Variants in SORCS1 observed in about 807,000 individuals in gnomAD.
SORCS1 encodes the protein VPS10 domain-containing receptor SorCS1.
A neutral mutation model predicts 146.1 loss-of-function variants in SORCS1; 60 were observed. The ratio of observed to expected loss-of-function variants is 0.41; its 90% CI spans 0.33 to 0.51. The LOEUF (loss-of-function observed/expected upper bound fraction) is 0.51, where lower values mean the gene tolerates loss of function less well. Among genes scored for constraint, SORCS1 ranks in the 20% least tolerant of loss-of-function variants. SORCS1 has a pLI of 0.21. For synonymous variants in SORCS1, 637 were observed against 584.0 expected, an observed-to-expected ratio of 1.09 and a Z score of -1.31; for missense variants, 1,352 against 1,487.6, an observed-to-expected ratio of 0.91 and a Z score of 1.50.
intron 1 of SORCS1, among the ~76,000 whole-genome samples, chr10:107,067,149 A>T (rs964089936): frequency 3.3e-5 from 5 of 152,084 alleles, no homozygotes; most frequent in African/African-American, 1.2e-4. Flanking sequence ...TTTTGATGTC[A>T]TTTTTCCTGA....
At chr10:106,911,632 T>C (rs535382167) in intron 2 of SORCS1, among the ~76,000 whole-genome samples, 13 of 152,134 alleles carry the variant, frequency 8.5e-5, no homozygotes, top group Non-Finnish European at 1.3e-4. Flanking sequence ...GCACCTGGCA[T>C]TTCTCGGCTG....
chr10:106,861,096 C>T (rs1949995585), intron 2 of SORCS1, among the ~76,000 whole-genome samples: 1 of 152,126 alleles, frequency 6.6e-6, no homozygotes, highest in Non-Finnish European at 1.5e-5. Context: ...ATTGTCCCGA[C>T]TTAAGAATAT....
the SORCS1 span, among the ~76,000 whole-genome samples, chr10:107,171,355 T>C: frequency 0.23 from 35,495 of 152,096 alleles, 4,305 homozygotes; most frequent in African/African-American, 0.29. Context: ...ATTGCCAATC[T>C]GGTGTTCTGT....
intron 1 of SORCS1, among the ~76,000 whole-genome samples, chr10:106,956,911 T>C (rs1954971856): frequency 6.6e-6 from 1 of 152,218 alleles, no homozygotes. Flanking sequence ...AGGTACTCAC[T>C]GAGCAGATGC....
intron 5 of SORCS1, among the ~76,000 whole-genome samples, chr10:106,738,055 C>T (rs971797890): frequency 5.3e-5 from 8 of 151,940 alleles, no homozygotes; most frequent in African/African-American, 1.2e-4. Context: ...TGAAAATATC[C>T]GATTTTTTCA....
intron 1 of SORCS1, among the ~76,000 whole-genome samples, chr10:107,065,466 CCCTCTCCTCTCCTCT>C (rs61458526): frequency 3.4e-5 from 2 of 59,028 alleles, no homozygotes; most frequent in South Asian, 7.4e-4. Flanking sequence ...CTTTCTCTCT[CCCTCTCCTCTCCTCT>C]CCTCTCCTCT....
chr10:106,617,769 T>C (rs1847471155), intron 21 of SORCS1, among the ~76,000 whole-genome samples: 2 of 150,798 alleles, frequency 1.3e-5, no homozygotes, highest in South Asian at 2.1e-4. Flanking sequence ...TTTCCCTTAT[T>C]AGTCAAGAAT....
intron 1 of SORCS1, among the ~76,000 whole-genome samples, chr10:107,018,433 G>A (rs535514615): frequency 2.4e-4 from 37 of 151,682 alleles, no homozygotes; most frequent in African/African-American, 8.5e-4. Context: ...TGATCCACCC[G>A]CCTTGGCCTC....
At position 107,021,383 on chromosome 10, in the gene SORCS1, G is replaced by A. The variant is rs546133466; in HGVS notation, c.559-64803C>T. On this transcript the variant is annotated intron_variant, in intron 1 of 25. Coordinates refer to ENST00000263054, the MANE Select transcript of SORCS1 (RefSeq NM_052918.5). ...AAAAAAATTAGCCGGGCATGGTGGC[G>A]GGTGCCTGTAGTCCCAGCTACTCGG... Among the ~76,000 whole-genome samples the A allele has an allele frequency of 1.1e-4, 16 of 151,270 alleles. 1 individual carries two copies. The highest frequency in any genetic ancestry group is 8.4e-4 in the South Asian group (4 of 4,762).
At chr10:107,136,565 T>C (rs1712962099) in intron 1 of SORCS1, among the ~76,000 whole-genome samples, 1 of 152,160 alleles carries the variant, frequency 6.6e-6, no homozygotes, top group Admixed American at 6.5e-5. Context: ...TCACAACTGG[T>C]AAGTGAGAGG....
At chr10:107,140,644 T>C (rs2134713833) in intron 1 of SORCS1, among the ~76,000 whole-genome samples, 1 of 152,308 alleles carries the variant, frequency 6.6e-6, no homozygotes, top group Middle Eastern at 3.4e-3. Context: ...TAATATTATG[T>C]ATATATATTC....
intron 22 of SORCS1, among the ~76,000 whole-genome samples, chr10:106,609,230 A>G (rs1846809637): frequency 6.6e-6 from 1 of 152,200 alleles, no homozygotes; most frequent in Non-Finnish European, 1.5e-5. Context: ...CTCCTATTAC[A>G]GCAAACCCCA....
chr10:106,767,052 C>A (rs999776), intron 4 of SORCS1, among the ~76,000 whole-genome samples: 11 of 151,872 alleles, frequency 7.2e-5, no homozygotes, highest in Non-Finnish European at 1.3e-4. Context: ...GCTGGGGCTA[C>A]AAAGAGAGCC....
At chr10:106,813,139 T>C (rs1947560433) in intron 3 of SORCS1, among the ~76,000 whole-genome samples, 2 of 143,840 alleles carry the variant, frequency 1.4e-5, no homozygotes, top group Non-Finnish European at 3.1e-5. Flanking sequence ...TTTTTTTTTT[T>C]TTTTTTTTTT....
At chr10:106,679,532 C>T (rs933222955) in intron 11 of SORCS1, 100 bp downstream of exon 11, 12 of 1,133,338 alleles carry the variant, frequency 1.1e-5, no homozygotes, top group Admixed American at 6.9e-5. Context: ...GTTCCAAGTA[C>T]AGATATCTAG....
At chr10:106,955,191 G>A (rs978000536) in intron 2 of SORCS1, among the ~76,000 whole-genome samples, 7 of 152,240 alleles carry the variant, frequency 4.6e-5, no homozygotes, top group African/African-American at 9.6e-5. Flanking sequence ...GGCTCCCCAA[G>A]CCAGGGCTGT....
intron 1 of SORCS1, among the ~76,000 whole-genome samples, chr10:107,148,839 C>T (rs1395505884): frequency 1.3e-5 from 2 of 152,184 alleles, no homozygotes; most frequent in African/African-American, 4.8e-5. Context: ...AATTCCTACT[C>T]TCTGGGGATA....
upstream of SORCS1, among the ~76,000 whole-genome samples, chr10:107,165,880 C>T (rs144324496): frequency 2.9e-3 from 436 of 152,246 alleles, 4 homozygotes; most frequent in African/African-American, 1.0e-2. The surrounding 1 kb of genome is among the most constrained non-coding windows in gnomAD (Gnocchi z 4.0). Flanking sequence ...AAATCCCTTC[C>T]GCTCCTAAAA....
chr10:107,076,108 C>T (rs754492313), intron 1 of SORCS1, among the ~76,000 whole-genome samples: 6 of 152,106 alleles, frequency 3.9e-5, no homozygotes, highest in Non-Finnish European at 8.8e-5. Flanking sequence ...AGATCATGGG[C>T]TTCTGAGAGC....
Sources: allele counts gnomAD v4.1 joint callset (sites outside exome capture counted in the v4.1 genomes callset), GRCh38; gene constraint gnomAD v4.1.1; non-coding constraint Gnocchi (gnomAD v3.1); transcripts MANE v1.5; gene names NCBI Gene and HGNC (gene_info 2026-07-23, HGNC 2026-07-21).